The following GALNT13 variants were observed in gnomAD, a reference collection of about 807,000 sequenced individuals.
GALNT13 encodes UDP-GalNAc:polypeptide N-acetylgalactosaminyltransferase 13.
GALNT13 carries 28 observed loss-of-function variants against 64.2 expected under a neutral mutation model. The observed-to-expected ratio is 0.44, with a 90% CI of 0.32 to 0.60. The LOEUF is 0.60. Among genes scored for constraint, GALNT13 ranks in the 20% least tolerant of loss-of-function variants. The pLI, the probability that GALNT13 is intolerant of heterozygous loss-of-function variation, is 0.05. For missense variants in GALNT13, 577 were observed against 669.8 expected, an observed-to-expected ratio of 0.86 and a Z score of 1.53; for synonymous variants, 214 against 224.6, an observed-to-expected ratio of 0.95 and a Z score of 0.42.
chr2:153,601,737 T>A, the GALNT13 span, among the ~76,000 whole-genome samples: 1 of 151,846 alleles, frequency 6.6e-6, no homozygotes, highest in East Asian at 1.9e-4. Flanking sequence ...CTTCTATGAC[T>A]TTTTAGTCTC....
chr2:153,306,800 C>G, the GALNT13 span, among the ~76,000 whole-genome samples: 1 of 152,188 alleles, frequency 6.6e-6, no homozygotes, highest in Non-Finnish European at 1.5e-5. Context: ...GTTGCCCAGG[C>G]TAGAGCGCAG....
At chr2:153,390,781 C>T in the GALNT13 span, among the ~76,000 whole-genome samples, 2 of 152,022 alleles carry the variant, frequency 1.3e-5, no homozygotes, top group Non-Finnish European at 2.9e-5. Context: ...TTACGATTCC[C>T]GGCAGTTGTG....
At chr2:153,280,832 T>C in the GALNT13 span, among the ~76,000 whole-genome samples, 16 of 152,170 alleles carry the variant, frequency 1.1e-4, no homozygotes, top group African/African-American at 3.6e-4. Flanking sequence ...GAAGAATTTA[T>C]ATTTGGTAGT....
chr2:153,439,911 C>T, the GALNT13 span, among the ~76,000 whole-genome samples: 1 of 152,216 alleles, frequency 6.6e-6, no homozygotes, highest in Non-Finnish European at 1.5e-5. Flanking sequence ...CTGTGTCGCT[C>T]ACGCTGGGAG....
At chr2:153,581,401 T>C in the GALNT13 span, among the ~76,000 whole-genome samples, 7 of 152,114 alleles carry the variant, frequency 4.6e-5, no homozygotes, top group African/African-American at 1.7e-4. Flanking sequence ...ATAGGGGATG[T>C]TCATTTTTAC....
chr2:154,227,084 A>G (rs1352572219), intron 4 of GALNT13, among the ~76,000 whole-genome samples: 3 of 152,094 alleles, frequency 2.0e-5, no homozygotes, highest in Non-Finnish European at 2.9e-5. Flanking sequence ...GCAACAGAAC[A>G]TATCATCTCT....
At chr2:154,406,903 A>G (rs1450227065) in intron 10 of GALNT13, among the ~76,000 whole-genome samples, 1 of 152,200 alleles carries the variant, frequency 6.6e-6, no homozygotes, top group African/African-American at 2.4e-5. Flanking sequence ...GAGGTGTTAC[A>G]TACTAAAACA....
At chr2:154,291,453 C>T (rs1692626134) in intron 8 of GALNT13, among the ~76,000 whole-genome samples, 1 of 152,334 alleles carries the variant, frequency 6.6e-6, no homozygotes, top group South Asian at 2.1e-4. Flanking sequence ...CAGGTCCCCA[C>T]CCTACCCAGA....
At chr2:153,095,423 T>C in the GALNT13 span, among the ~76,000 whole-genome samples, 4 of 152,116 alleles carry the variant, frequency 2.6e-5, no homozygotes, top group Non-Finnish European at 5.9e-5. Flanking sequence ...AAATAGGAAC[T>C]TTTACACTGT....
chr2:154,387,124 G>T (rs1698550689), intron 9 of GALNT13, among the ~76,000 whole-genome samples: 1 of 152,078 alleles, frequency 6.6e-6, no homozygotes, highest in Non-Finnish European at 1.5e-5. Context: ...ATGTAGTTCT[G>T]TCCACTGACA....
At chr2:154,066,691 G>A (rs576925629) in intron 3 of GALNT13, among the ~76,000 whole-genome samples, 1 of 152,170 alleles carries the variant, frequency 6.6e-6, no homozygotes, top group South Asian at 2.1e-4. Context: ...AAAAGTTGAG[G>A]GATTTCATCA....
At chr2:153,372,299 C>T in the GALNT13 span, among the ~76,000 whole-genome samples, 1 of 151,946 alleles carries the variant, frequency 6.6e-6, no homozygotes, top group South Asian at 2.1e-4. Context: ...TTCCATTTTT[C>T]TAGGAAAAAA....
At chr2:154,202,477 T>A (rs1325731954) in intron 4 of GALNT13, among the ~76,000 whole-genome samples, 1 of 152,070 alleles carries the variant, frequency 6.6e-6, no homozygotes, top group Non-Finnish European at 1.5e-5. Flanking sequence ...AGATTATGAT[T>A]ATGACTCTCA....
chr2:153,832,435 A>C, the GALNT13 span, among the ~76,000 whole-genome samples: 1 of 152,110 alleles, frequency 6.6e-6, no homozygotes, highest in Admixed American at 6.6e-5. Context: ...ATGGGATTTA[A>C]GTTGTTCAGG....
the GALNT13 span, among the ~76,000 whole-genome samples, chr2:153,693,569 A>G: frequency 2.8e-4 from 43 of 152,194 alleles, no homozygotes; most frequent in African/African-American, 9.4e-4. Context: ...ACACGTTACA[A>G]TAGAATGCGT....
the GALNT13 span, among the ~76,000 whole-genome samples, chr2:153,248,683 G>A: frequency 2.0e-4 from 31 of 152,008 alleles, no homozygotes; most frequent in South Asian, 1.2e-3. Flanking sequence ...GGGCGTGGTG[G>A]TGGGTGCCTG....
chr2:153,321,490 C>CA, the GALNT13 span, among the ~76,000 whole-genome samples: 22 of 152,138 alleles, frequency 1.4e-4, no homozygotes, highest in East Asian at 2.5e-3. Flanking sequence ...CTTCCAATGG[C>CA]AAAAAAATCA....
chr2:153,757,136 G>A, the GALNT13 span, among the ~76,000 whole-genome samples: 1 of 152,018 alleles, frequency 6.6e-6, no homozygotes, highest in Admixed American at 6.6e-5. Flanking sequence ...TATTTCTCCT[G>A]TCTAAATGAA....
At chr2:153,878,075 T>A (rs1331308018) in intron 1 of GALNT13, among the ~76,000 whole-genome samples, 1 of 152,162 alleles carries the variant, frequency 6.6e-6, no homozygotes, top group African/African-American at 2.4e-5. Flanking sequence ...ACTGATAATT[T>A]AAAAAAATCA....
Sources: allele counts gnomAD v4.1 joint callset (sites outside exome capture counted in the v4.1 genomes callset), GRCh38; gene constraint gnomAD v4.1.1; transcripts MANE v1.5; gene names NCBI Gene and HGNC (gene_info 2026-07-23, HGNC 2026-07-21).